Variants in LRRC49 observed in about 807,000 individuals in gnomAD.
LRRC49 encodes leucine-rich repeat-containing protein 49.
In LRRC49, 50 loss-of-function variants were observed where a neutral mutation model predicts 83.3. That is an observed-to-expected ratio of 0.60 (90% CI 0.48 to 0.76). LRRC49 has a LOEUF of 0.76. LRRC49 is among the 30% of genes least tolerant of loss of function. LRRC49 has a pLI of 0.00. For synonymous variants in LRRC49, 286 were observed against 283.3 expected (o/e 1.01, Z -0.10); for missense variants, 704 against 809.1 (o/e 0.87, Z 1.58).
intron 10 of LRRC49, among the ~76,000 whole-genome samples, chr15:70,983,439 T>C (rs1282286545): frequency 6.6e-6 from 1 of 152,162 alleles, no homozygotes; most frequent in East Asian, 1.9e-4. Context: ...CCCTGAAATT[T>C]GAGAACCACT....
At chr15:70,944,467 C>G (rs1037946849) in intron 8 of LRRC49, among the ~76,000 whole-genome samples, 1 of 152,094 alleles carries the variant, frequency 6.6e-6, no homozygotes. Context: ...TGCACTGGCG[C>G]GATCTCCGTT....
At chr15:70,889,113 C>T (rs1316664308), upstream of LRRC49, among the ~76,000 whole-genome samples, 4 of 152,062 alleles carry the variant, frequency 2.6e-5, no homozygotes, top group East Asian at 5.8e-4. Flanking sequence ...TGTGTGCACA[C>T]GTGGACCAAA....
At chr15:70,959,609 A>C (rs2141192369) in intron 8 of LRRC49, among the ~76,000 whole-genome samples, 1 of 143,788 alleles carries the variant, frequency 7.0e-6, no homozygotes, top group South Asian at 2.2e-4. Context: ...AAGGGAGGGA[A>C]ATTCCAGTCA....
At chr15:70,904,154 G>A (rs2034200751) in intron 4 of LRRC49, among the ~76,000 whole-genome samples, 1 of 152,062 alleles carries the variant, frequency 6.6e-6, no homozygotes, top group African/African-American at 2.4e-5. Context: ...TTAGTTGCCT[G>A]GGTAATCGTT....
intron 5 of LRRC49, among the ~76,000 whole-genome samples, chr15:70,905,640 A>G (rs992630633): frequency 1.3e-5 from 2 of 152,224 alleles, no homozygotes; most frequent in Non-Finnish European, 2.9e-5. Context: ...AAACAGGGAA[A>G]ACTGTGTATT....
intron 14 of LRRC49, among the ~76,000 whole-genome samples, chr15:71,026,551 A>G (rs1268826977): frequency 6.6e-6 from 1 of 151,900 alleles, no homozygotes; most frequent in African/African-American, 2.4e-5. Context: ...AAAGAACTTC[A>G]CCCCAGCCTG....
intron 7 of LRRC49, among the ~76,000 whole-genome samples, chr15:70,920,170 A>G (rs1419140961): frequency 6.6e-6 from 1 of 152,342 alleles, no homozygotes; most frequent in South Asian, 2.1e-4. Context: ...AGCTGTTTCA[A>G]TACCTTGAGT....
chr15:71,029,077 G>A (rs983750343), intron 14 of LRRC49, among the ~76,000 whole-genome samples: 1 of 152,020 alleles, frequency 6.6e-6, no homozygotes, highest in African/African-American at 2.4e-5. Flanking sequence ...TCTGTTTTGG[G>A]GCATTTAGTG....
At chr15:70,990,151 G>A (rs1317274856) in intron 11 of LRRC49, among the ~76,000 whole-genome samples, 3 of 152,216 alleles carry the variant, frequency 2.0e-5, no homozygotes, top group Non-Finnish European at 4.4e-5. Flanking sequence ...GAGAACCACT[G>A]CTGTCTTCAA....
chr15:71,048,190 C>T (rs2039911996), intron 15 of LRRC49, among the ~76,000 whole-genome samples: 2 of 150,778 alleles, frequency 1.3e-5, no homozygotes, highest in African/African-American at 2.4e-5. Context: ...TGGGCTCAAA[C>T]GATTCTCCCA....
chr15:70,901,875 CTA>C (rs1269124986), intron 4 of LRRC49, among the ~76,000 whole-genome samples: 1 of 152,158 alleles, frequency 6.6e-6, no homozygotes, highest in Non-Finnish European at 1.5e-5. Context: ...CATCTAGAAA[CTA>C]TCCACAGTAG....
At chr15:70,870,613 C>T (rs1441769833) in intron 1 of LRRC49, among the ~76,000 whole-genome samples, 3 of 152,210 alleles carry the variant, frequency 2.0e-5, no homozygotes, top group Non-Finnish European at 2.9e-5. Context: ...GCCTCAGCCT[C>T]CCGAGTAGCT....
chr15:70,992,308 C>T (rs1489310311), intron 11 of LRRC49, among the ~76,000 whole-genome samples: 1 of 152,238 alleles, frequency 6.6e-6, no homozygotes, highest in Non-Finnish European at 1.5e-5. Flanking sequence ...CTTCTCTCAA[C>T]TCGTCAGTCA....
intron 1 of LRRC49, among the ~76,000 whole-genome samples, chr15:70,865,251 G>C (rs551357612): frequency 6.6e-6 from 1 of 152,058 alleles, no homozygotes; most frequent in Non-Finnish European, 1.5e-5. Context: ...AATACAGAAA[G>C]GTTGAAATAA....
At chr15:70,873,201 T>G in exon 2 of LRRC49, 1 of 1,536,072 alleles carries the variant, frequency 6.5e-7, no homozygotes, top group Non-Finnish European at 8.7e-7. Context: ...ACATAACTTT[T>G]AAAGATGGAT....
At chr15:70,860,017 C>T in intron 1 of LRRC49, 1 of 748,254 alleles carries the variant, frequency 1.3e-6, no homozygotes, top group South Asian at 1.4e-5. Context: ...GCCCCGGCCT[C>T]AGCTACAGCC....
intron 3 of LRRC49, among the ~76,000 whole-genome samples, chr15:70,899,668 A>G (rs2033986517): frequency 6.6e-6 from 1 of 152,168 alleles, no homozygotes; most frequent in Admixed American, 6.5e-5. Flanking sequence ...AGCAAATGCC[A>G]TTGCCTTATA....
intron 5 of LRRC49, among the ~76,000 whole-genome samples, chr15:70,908,164 A>G (rs1202815193): frequency 6.6e-6 from 1 of 152,236 alleles, no homozygotes; most frequent in Non-Finnish European, 1.5e-5. Flanking sequence ...TGTGAGAGTC[A>G]TAAAGCAGCT....
chr15:71,010,426 A>C (rs993443147), intron 13 of LRRC49, among the ~76,000 whole-genome samples: 1 of 151,954 alleles, frequency 6.6e-6, no homozygotes, highest in Non-Finnish European at 1.5e-5. Context: ...GAAAGGGAAG[A>C]ATAAAATGGA....
Sources: allele counts gnomAD v4.1 joint callset (sites outside exome capture counted in the v4.1 genomes callset), GRCh38; gene constraint gnomAD v4.1.1; transcripts MANE v1.5; gene names NCBI Gene and HGNC (gene_info 2026-07-23, HGNC 2026-07-21).